Variants in SNTA1 observed in about 807,000 individuals in gnomAD.
The protein encoded by SNTA1 is alpha-1-syntrophin.
SNTA1 carries 31 observed loss-of-function variants against 47.1 expected under a neutral mutation model. The ratio of observed to expected loss-of-function variants is 0.66; its 90% confidence interval spans 0.49 to 0.89. SNTA1 has a LOEUF of 0.89. Among genes scored for constraint, SNTA1 ranks in the 40% least tolerant of loss-of-function variants. The pLI, the probability that SNTA1 is intolerant of heterozygous loss-of-function variation, is 0.00. For synonymous variants in SNTA1, 300 were observed against 313.6 expected (o/e 0.96, Z 0.46); for missense variants, 575 against 693.0 (o/e 0.83, Z 1.91).
At chr20:33,434,581 T>C (rs898321501) in intron 2 of SNTA1, among the ~76,000 whole-genome samples, 1 of 152,216 alleles carries the variant, frequency 6.6e-6, no homozygotes, top group African/African-American at 2.4e-5. Context: ...ACTTCTCTAC[T>C]GCATCTGTAG....
At chr20:33,431,712 G>A (rs1990313500) in intron 2 of SNTA1, among the ~76,000 whole-genome samples, 1 of 152,122 alleles carries the variant, frequency 6.6e-6, no homozygotes, top group Non-Finnish European at 1.5e-5. Flanking sequence ...TCGTGCCACT[G>A]TACTCCAGCC....
intron 2 of SNTA1, among the ~76,000 whole-genome samples, chr20:33,423,655 G>A (rs1294095939): frequency 2.0e-5 from 3 of 152,212 alleles, no homozygotes. Context: ...GATTCCACTG[G>A]AAACACATGG....
At chr20:33,435,487 A>G (rs2146803011) in intron 2 of SNTA1, among the ~76,000 whole-genome samples, 1 of 152,192 alleles carries the variant, frequency 6.6e-6, no homozygotes, top group Non-Finnish European at 1.5e-5. Flanking sequence ...AATTCCAGCT[A>G]CAGAACTGAG....
intron 5 of SNTA1, among the ~76,000 whole-genome samples, chr20:33,411,384 C>T (rs751407476): frequency 6.6e-6 from 1 of 152,134 alleles, no homozygotes; most frequent in Non-Finnish European, 1.5e-5. Flanking sequence ...TTCCGGACCC[C>T]TCCTTCACCC....
Position 33,417,779 on chromosome 20 carries a change from T to C in SNTA1, c.641A>G (p.His214Arg). ...PTPRNFSEAK[H>R]MSLKMAYVSK... Reference sequence around the variant, plus strand: ...GACATATGCCATCTTCAAGGACATGTGTTTGGCCTCGCTGAAGTTCCGGGG... The same window carrying C: ...GACATATGCCATCTTCAAGGACATGCGTTTGGCCTCGCTGAAGTTCCGGGG... Residue 214 changes from histidine (H) to arginine (R), a missense_variant, in exon 3 of 8, where the codon CAC becomes CGC. Physicochemically the swap from His to Arg is conservative, Grantham distance 29. Transcript: ENST00000217381. 6.2e-7 allele frequency: 1 copy of C among 1,614,072 alleles called. No individual in the cohort carries two copies. The highest frequency in any genetic ancestry group is 8.5e-7 in the Non-Finnish European group (1 of 1,180,008).
intron 3 of SNTA1, 137 bp downstream of exon 3, chr20:33,417,582 C>T (rs936411950): frequency 1.4e-6 from 1 of 692,634 alleles, no homozygotes; most frequent in Admixed American, 2.1e-5. Context: ...GGCTTCCAGT[C>T]AATCTATTTT....
chr20:33,438,520 AC>A (rs949533969), intron 2 of SNTA1, among the ~76,000 whole-genome samples: 1 of 152,146 alleles, frequency 6.6e-6, no homozygotes, highest in African/African-American at 2.4e-5. Context: ...AGTCGCAACA[AC>A]CCAGAAAGGC....
At chr20:33,416,809 C>T (rs1989886707) in intron 3 of SNTA1, among the ~76,000 whole-genome samples, 1 of 151,892 alleles carries the variant, frequency 6.6e-6, no homozygotes, top group African/African-American at 2.4e-5. Flanking sequence ...GGCATGGTGG[C>T]AGGCGCCCGT....
chr20:33,439,049 C>T (rs1990515759), intron 1 of SNTA1, 23 bp from the exon 2 acceptor site: 1 of 1,608,554 alleles, frequency 6.2e-7, no homozygotes, highest in African/African-American at 1.3e-5. Context: ...AGAAGGAGGA[C>T]AAGACTTAGG....
At chr20:33,422,182 C>T (rs538383935) in intron 2 of SNTA1, among the ~76,000 whole-genome samples, 2 of 152,230 alleles carry the variant, frequency 1.3e-5, no homozygotes, top group African/African-American at 4.8e-5. Context: ...TGCCTCACGC[C>T]TGTAATCCCA....
chr20:33,438,953 G>A lies in SNTA1; in HGVS notation c.384C>T (p.Ala128=). The part of the protein sequence containing the change: ...FKGLAADQTE[A]LFVGDAILSV... ...ACAGGATGGCATCCCCCACAAAAAG[G>A]GCCTCTGTCTGGTCAGCTGCCAATC... Residue 128 remains alanine (A), a synonymous_variant, in exon 2 of 8, where the codon GCC becomes GCT. Coordinates refer to ENST00000217381, the MANE Select transcript of SNTA1 (RefSeq NM_003098.3). The A allele has an allele frequency of 1.2e-6, 2 of 1,614,094 alleles. No homozygotes were observed. Among genetic ancestry groups the A allele is most frequent in the Non-Finnish European group, 1.7e-6 (2 of 1,179,998 alleles).
At position 33,419,032 on chromosome 20, in the gene SNTA1, T is replaced by C. The variant is rs576048999; in HGVS notation, c.497-1109A>G. Among the ~76,000 whole-genome samples the C allele has an allele frequency of 3.9e-4, 59 of 151,728 alleles. No homozygotes were observed. The South Asian group carries it at 0.012, about 31-fold the overall frequency. On this transcript the variant is annotated intron_variant, in intron 2 of 7. Transcript: ENST00000217381. Reference sequence around the variant, plus strand: ...GAGAGGCTGAGGCATGAGAATCACTTGAACATGGGAAGCAAAGGTTGCAAT... The same window carrying C: ...GAGAGGCTGAGGCATGAGAATCACTCGAACATGGGAAGCAAAGGTTGCAAT...
At chr20:33,440,082 G>C (rs994031559) in intron 1 of SNTA1, among the ~76,000 whole-genome samples, 3 of 151,162 alleles carry the variant, frequency 2.0e-5, no homozygotes, top group Non-Finnish European at 4.4e-5. Context: ...CTGAGATCAC[G>C]CCATTGCTCT....
At chr20:33,432,843 G>C (rs1316367963) in intron 2 of SNTA1, among the ~76,000 whole-genome samples, 1 of 152,190 alleles carries the variant, frequency 6.6e-6, no homozygotes, top group Non-Finnish European at 1.5e-5. Flanking sequence ...CTGGGCAACA[G>C]AGTGAGATCC....
chr20:33,436,381 G>A (rs970063045), intron 2 of SNTA1, among the ~76,000 whole-genome samples: 6 of 152,090 alleles, frequency 3.9e-5, no homozygotes, highest in African/African-American at 1.2e-4. Flanking sequence ...GTTTCAAACC[G>A]CATTGCTGAC....
At chr20:33,440,615 C>T (rs1326760192) in intron 1 of SNTA1, among the ~76,000 whole-genome samples, 2 of 152,150 alleles carry the variant, frequency 1.3e-5, no homozygotes, top group South Asian at 2.1e-4. Context: ...CACTGCACTC[C>T]AGCATGGGCG....
chr20:33,443,639 G>C lies in SNTA1; in HGVS notation c.-19C>G. 1.7e-6 allele frequency: 2 copies of C among 1,198,152 alleles called. No individual in the cohort carries two copies. Among genetic ancestry groups the C allele is most frequent in the Non-Finnish European group, 2.1e-6 (2 of 965,258 alleles). The allele number at this position is 1,198,152 out of a possible 1,614,324, so 74.2% of individuals were successfully genotyped here. A position where few individuals can be genotyped will look rare whatever the true frequency, so the allele number is the denominator to read the frequency against. On this transcript the variant is annotated 5_prime_UTR_variant, in exon 1 of 8. Coordinates refer to ENST00000217381, the MANE Select transcript of SNTA1 (RefSeq NM_003098.3). ...ACGCCATCTTCGCCTCCGAGCCCCC[G>C]GGCCGCCGCGCTCGCCCTGTCCCGC...
In SNTA1 at chr20:33,443,536, GC is replaced by G; in HGVS notation, c.84del (p.Trp28CysfsTer6). 7.4e-7 allele frequency: 1 copy of G among 1,345,956 alleles called. No homozygotes were observed. The allele number at this position is 1,345,956 out of a possible 1,614,324, so 83.4% of individuals were successfully genotyped here. ...TCCGCCAGACTCAGCAGCACCCGCTGCCATCGCTCGCCGCCGGCCCCCGAGC... is the reference window on the plus strand; with the variant it reads ...TCCGCCAGACTCAGCAGCACCCGCTGCATCGCTCGCCGCCGGCCCCCGAGC... Reference protein sequence around the residue: ...GAGSGAGGERWQRVLLSLAED... With the variant: ...GAGSGAGGERXQRVLLSLAED... On this transcript the variant is annotated frameshift_variant, in exon 1 of 8. Transcript: ENST00000217381. LOFTEE classifies it high-confidence loss of function.
rs963277918 is a variant in SNTA1 at position 33,443,520 on chromosome 20, C to T, written c.101G>A (p.Ser34Asn). The change falls in exon 1 of 8, where the codon AGT becomes AAT. Residue 34 changes from serine to asparagine, a missense_variant. Transcript: ENST00000217381. ...GGERWQRVLL[S>N]LAEDVLTVSP... ...CACGGTCAGCACGTCCTCCGCCAGA[C>T]TCAGCAGCACCCGCTGCCATCGCTC... 1.9e-5 allele frequency: 26 copies of T among 1,358,626 alleles called. No individual in the cohort carries two copies. The African/African-American group carries it at 3.6e-4, about 19-fold the overall frequency. The allele number at this position is 1,358,626 out of a possible 1,614,324, so 84.2% of individuals were successfully genotyped here. A position where few individuals can be genotyped will look rare whatever the true frequency, so the allele number is the denominator to read the frequency against.
Sources: gnomAD v4.1 joint callset for allele counts (sites outside exome capture counted in the v4.1 genomes callset) on GRCh38, gnomAD v4.1.1 for gene constraint, MANE v1.5 for transcripts, NCBI Gene and HGNC (gene_info 2026-07-23, HGNC 2026-07-21) for gene names.